ZC3H12B: variants seen among roughly 807,000 people sequenced by gnomAD.
ZC3H12B encodes the protein zinc finger CCCH-type containing 12B.
Under a neutral mutation model 43.9 loss-of-function variants are expected in ZC3H12B, and 7 were observed. The observed-to-expected ratio is 0.16, with a 90% CI of 0.09 to 0.30. The LOEUF is 0.30. Ranked by LOEUF, ZC3H12B falls within the 10% of genes least tolerant of loss-of-function variation. ZC3H12B has a pLI of 1.00. For missense variants in ZC3H12B, 475 were observed against 670.2 expected (o/e 0.71, Z 3.22); for synonymous variants, 222 against 241.7 (o/e 0.92, Z 0.76).
chrX:65,356,973 C>A, the ZC3H12B span: 14 of 476,417 alleles, frequency 2.9e-5, no homozygotes, highest in Non-Finnish European at 3.1e-5. Flanking sequence ...GTTTGTGATC[C>A]AACATATTCC....
chrX:65,342,837 CAAAAA>C, the ZC3H12B span, among the ~76,000 whole-genome samples: 3 of 55,567 alleles, frequency 5.4e-5, no homozygotes, highest in African/African-American at 1.4e-4. Flanking sequence ...GAGACTGAGA[CAAAAA>C]AAAAAAAAAA....
the ZC3H12B span, among the ~76,000 whole-genome samples, chrX:65,068,354 T>A: frequency 9.0e-6 from 1 of 111,116 alleles, no homozygotes; most frequent in African/African-American, 3.3e-5. Context: ...TTTACTTTGT[T>A]GCTTTTTATT....
chrX:65,388,995 G>C (rs926408136), intron 2 of ZC3H12B, among the ~76,000 whole-genome samples: 1 of 111,885 alleles, frequency 8.9e-6, no homozygotes, highest in Non-Finnish European at 1.9e-5. Context: ...CGTTCCTCTG[G>C]AAGTTTTGTC....
chrX:65,281,911 A>G, the ZC3H12B span, among the ~76,000 whole-genome samples: 2 of 111,991 alleles, frequency 1.8e-5, no homozygotes, highest in Admixed American at 1.9e-4. Context: ...AGAAAGTTCA[A>G]CAATCAAATG....
the ZC3H12B span, among the ~76,000 whole-genome samples, chrX:65,290,242 A>G: frequency 9.0e-6 from 1 of 111,053 alleles, no homozygotes; most frequent in Admixed American, 9.6e-5. Flanking sequence ...GCTGAACATC[A>G]CTAATCACCA....
At chrX:65,270,501 G>A in the ZC3H12B span, among the ~76,000 whole-genome samples, 4 of 111,507 alleles carry the variant, frequency 3.6e-5, no homozygotes, top group African/African-American at 1.3e-4. Context: ...CATACCAAAA[G>A]CTCAGACTTC....
the ZC3H12B span, among the ~76,000 whole-genome samples, chrX:65,258,942 TC>T: frequency 8.9e-6 from 1 of 111,761 alleles, no homozygotes; most frequent in South Asian, 3.7e-4. Context: ...GGAGAAGCAT[TC>T]CGTGCTCATG....
the ZC3H12B span, among the ~76,000 whole-genome samples, chrX:65,126,644 T>C: frequency 9.1e-6 from 1 of 109,809 alleles, no homozygotes; most frequent in African/African-American, 3.3e-5. Flanking sequence ...GTTTGAACGT[T>C]TAACATAGTC....
At chrX:65,165,512 G>A in the ZC3H12B span, among the ~76,000 whole-genome samples, 4 of 112,060 alleles carry the variant, frequency 3.6e-5, no homozygotes, top group South Asian at 1.5e-3. Context: ...TCCCAATTTT[G>A]AGTGAGAATA....
the ZC3H12B span, among the ~76,000 whole-genome samples, chrX:65,124,836 C>T: frequency 9.0e-6 from 1 of 110,865 alleles, no homozygotes; most frequent in African/African-American, 3.3e-5. Context: ...TTAATATCTC[C>T]CATTTCATAT....
At chrX:65,374,080 A>C (rs1421374744) in intron 2 of ZC3H12B, among the ~76,000 whole-genome samples, 1 of 63,174 alleles carries the variant, frequency 1.6e-5, no homozygotes, top group East Asian at 4.3e-4. Flanking sequence ...ATATATAACT[A>C]TATATAGTAT....
At chrX:65,102,057 C>T in the ZC3H12B span, among the ~76,000 whole-genome samples, 1 of 111,933 alleles carries the variant, frequency 8.9e-6, no homozygotes, top group East Asian at 2.8e-4. Context: ...GGCTTCATCC[C>T]TGGGATGCAA....
the ZC3H12B span, among the ~76,000 whole-genome samples, chrX:65,141,502 C>CTAT: frequency 6.5e-5 from 7 of 107,822 alleles, no homozygotes; most frequent in Non-Finnish European, 9.6e-5. Context: ...TTTCTTTTTT[C>CTAT]TATTATTATT....
the ZC3H12B span, among the ~76,000 whole-genome samples, chrX:65,258,317 C>G: frequency 8.9e-6 from 1 of 111,821 alleles, no homozygotes; most frequent in Admixed American, 9.5e-5. Flanking sequence ...AAACATAAAT[C>G]ACATGATTAT....
chrX:65,178,749 A>T, the ZC3H12B span, among the ~76,000 whole-genome samples: 1 of 112,322 alleles, frequency 8.9e-6, no homozygotes, highest in Non-Finnish European at 1.9e-5. Context: ...ATCATTAAAA[A>T]GTCAGGAAAC....
the ZC3H12B span, among the ~76,000 whole-genome samples, chrX:65,170,897 G>T: frequency 9.0e-6 from 1 of 111,728 alleles, no homozygotes; most frequent in Non-Finnish European, 1.9e-5. Flanking sequence ...GGTCATTTAA[G>T]TTCTTCTCTA....
At chrX:65,082,607 C>A in the ZC3H12B span, among the ~76,000 whole-genome samples, 4 of 110,696 alleles carry the variant, frequency 3.6e-5, no homozygotes, top group Non-Finnish European at 7.6e-5. Flanking sequence ...GTAATGAGAT[C>A]GAAGCTGTAA....
At chrX:65,050,439 G>A in the ZC3H12B span, among the ~76,000 whole-genome samples, 1 of 110,231 alleles carries the variant, frequency 9.1e-6, no homozygotes, top group Non-Finnish European at 1.9e-5. Context: ...ATGCTATGTT[G>A]AATAGAAGTG....
intron 3 of ZC3H12B, among the ~76,000 whole-genome samples, chrX:65,399,949 T>C (rs2066744292): frequency 9.0e-6 from 1 of 111,254 alleles, no homozygotes; most frequent in Admixed American, 9.6e-5. Context: ...TATCCCATTT[T>C]CTCACTTATT....
Sources: gnomAD v4.1 joint callset for allele counts (sites outside exome capture counted in the v4.1 genomes callset) on GRCh38, gnomAD v4.1.1 for gene constraint, MANE v1.5 for transcripts, NCBI Gene and HGNC (gene_info 2026-07-23, HGNC 2026-07-21) for gene names.